SLC22A25: variants seen among roughly 807,000 people sequenced by gnomAD.
SLC22A25 encodes MGI:2442751, MGI:2385316, MGI:3042283, MGI:3645714, MGI:3605624, MGI:2442750.
Under a neutral mutation model 45.9 loss-of-function variants are expected in SLC22A25, and 44 were observed. The observed-to-expected ratio is 0.96, with a 90% CI of 0.75 to 1.23. The LOEUF is 1.23. Among genes scored for constraint, SLC22A25 ranks in the 50% most tolerant of loss-of-function variants. The pLI, the probability that SLC22A25 is intolerant of heterozygous loss-of-function variation, is 0.00. For synonymous variants in SLC22A25, 283 were observed against 238.6 expected (o/e 1.19, Z -1.72); for missense variants, 800 against 666.4 (o/e 1.20, Z -2.21).
chr11:63,203,821 C>T (rs1174673019), intron 7 of SLC22A25, among the ~76,000 whole-genome samples: 1 of 152,118 alleles, frequency 6.6e-6, no homozygotes, highest in African/African-American at 2.4e-5. Flanking sequence ...CACAAAGATA[C>T]TCCTCGAGAA....
chr11:63,229,590 C>A lies in SLC22A25; in HGVS notation c.63G>T (p.Met21Ile). The change falls in exon 4 of 12, where the codon ATG becomes ATT. Residue 21 changes from methionine (M) to isoleucine (I), a missense_variant. Transcript: ENST00000306494. ...GGLGRFQILQ[M>I]VFLIMFNVIV... Reference sequence around the variant, plus strand: ...TGACGTTGAACATTATAAGGAAAACCATCTGAAGGATCTGGAATCTCCCCA... The same window carrying A: ...TGACGTTGAACATTATAAGGAAAACAATCTGAAGGATCTGGAATCTCCCCA... The A allele has an allele frequency of 6.2e-7, 1 of 1,613,584 alleles. No individual in the cohort carries two copies. Among genetic ancestry groups the A allele is most frequent in the Non-Finnish European group, 8.5e-7 (1 of 1,179,594 alleles).
intron 7 of SLC22A25, among the ~76,000 whole-genome samples, chr11:63,193,780 C>T (rs752599871): frequency 1.3e-5 from 2 of 152,154 alleles, no homozygotes; most frequent in Non-Finnish European, 2.9e-5. Flanking sequence ...CAGCTCCCTG[C>T]CAGCAATGGA....
In SLC22A25 at chr11:63,161,682, C is replaced by T. The variant is rs1186697898; in HGVS notation, c.*2142G>A. On this transcript the variant is annotated 3_prime_UTR_variant, in exon 12 of 12. Transcript: ENST00000306494. ...CCTCCACCAGGATTGTGAGGCTTCA[C>T]CAGCTATGTGGAACTGTGAGTCCAT... Among the ~76,000 whole-genome samples the T allele has an allele frequency of 1.3e-5, 2 of 152,320 alleles. No individual in the cohort carries two copies. Among genetic ancestry groups the T allele is most frequent in the South Asian group, 2.1e-4 (1 of 4,816 alleles).
At chr11:63,236,893 C>T (rs2090174203) in intron 3 of SLC22A25, among the ~76,000 whole-genome samples, 1 of 152,184 alleles carries the variant, frequency 6.6e-6, no homozygotes. Flanking sequence ...ACCGGTTCCC[C>T]TGTCTGGGCT....
intron 8 of SLC22A25, among the ~76,000 whole-genome samples, chr11:63,182,791 C>A (rs1308141108): frequency 6.6e-6 from 1 of 152,062 alleles, no homozygotes; most frequent in Non-Finnish European, 1.5e-5. Context: ...ATGTCATTGA[C>A]CATGTCTTAA....
At chr11:63,208,247 G>T (rs1201647254) in intron 7 of SLC22A25, 1 of 152,376 alleles carries the variant, frequency 6.6e-6, no homozygotes, top group East Asian at 1.9e-4. Flanking sequence ...GGAGCCAGGG[G>T]TGGGGCTGCA....
At chr11:63,203,508 C>T (rs2089309556) in intron 7 of SLC22A25, among the ~76,000 whole-genome samples, 1 of 151,576 alleles carries the variant, frequency 6.6e-6, no homozygotes, top group Non-Finnish European at 1.5e-5. Flanking sequence ...CTTCATGAAG[C>T]ATACACAAGT....
At position 63,180,664 on chromosome 11, in the gene SLC22A25, C is replaced by G. The variant is rs773284948; in HGVS notation, c.1066G>C (p.Val356Leu). The change falls in exon 9 of 12, where the codon GTG becomes CTG. Residue 356 changes from valine (V) to leucine (L), a missense_variant. Transcript: ENST00000306494. ...CACACACTGCATGAAACTTACCTCACAAAGGACAGGAAACAGATTCTTTTA... is the reference window on the plus strand; with the variant it reads ...CACACACTGCATGAAACTTACCTCAGAAAGGACAGGAAACAGATTCTTTTA... ...ICKRICFLSF[V>L]RFASTIPFWG... The G allele has an allele frequency of 9.3e-6, 15 of 1,609,232 alleles. No individual in the cohort carries two copies. The South Asian group carries it at 1.6e-4, about 17-fold the overall frequency.
chr11:63,235,181 A>G (rs1392230530), intron 3 of SLC22A25, among the ~76,000 whole-genome samples: 3 of 152,120 alleles, frequency 2.0e-5, no homozygotes, highest in Admixed American at 6.5e-5. Context: ...CTGAGTTTGA[A>G]TGTTGGCCTG....
Position 63,242,225 on chromosome 11 carries a change from GA to G in SLC22A25, c.-996+1208del, listed in dbSNP as rs893217573. Among the ~76,000 whole-genome samples, 4 of 152,092 alleles carry G rather than the reference GA, an allele frequency of 2.6e-5. No homozygotes were observed. The East Asian group carries it at 7.7e-4, about 29-fold the overall frequency. Reference sequence around the variant, plus strand: ...GGATTCTACTTTCAGAGAGCAGGTGGAAAAAACCACACACCGAAAACCACAT... The same window carrying G: ...GGATTCTACTTTCAGAGAGCAGGTGGAAAAACCACACACCGAAAACCACAT... On this transcript the variant is annotated intron_variant, in intron 1 of 11. Coordinates refer to ENST00000306494, the MANE Select transcript of SLC22A25 (RefSeq NM_199352.6).
intron 3 of SLC22A25, among the ~76,000 whole-genome samples, chr11:63,233,331 C>G (rs527785735): frequency 7.2e-5 from 11 of 152,130 alleles, no homozygotes; most frequent in Non-Finnish European, 1.2e-4. Context: ...TCAGGCTATT[C>G]AGAGATTCAA....
At position 63,217,352 on chromosome 11, in the gene SLC22A25, C is replaced by T; in HGVS notation, c.792G>A (p.Val264=). The T allele has an allele frequency of 6.2e-7, 1 of 1,614,000 alleles. No homozygotes were observed. The highest frequency in any genetic ancestry group is 8.5e-7 in the Non-Finnish European group (1 of 1,179,998). The part of the protein sequence containing the change: ...VIRDQCILQL[V]MSAPCFVFFL... The stretch of plus-strand genomic sequence containing the variant: ...AGAAGACAAAGCATGGTGCAGACAT[C>T]ACCAACTGGAGGATGCACTGGTCTC... Residue 264 remains valine (V), a synonymous_variant, in exon 7 of 12, where the codon GTG becomes GTA. Transcript: ENST00000306494.
chr11:63,198,909 G>A (rs2089148025), intron 7 of SLC22A25, among the ~76,000 whole-genome samples: 1 of 152,076 alleles, frequency 6.6e-6, no homozygotes, highest in African/African-American at 2.4e-5. Context: ...CTAAGGCAGT[G>A]TTAAGGTGGA....
rs532084576 is a variant in SLC22A25, at chr11:63,159,639, G to C, written c.*4185C>G. ...GAGAAATGGACTAATATAGTAAATT[G>C]GTACTGATAGAGTGAAGTGCTTCTG... is the stretch of plus-strand genomic sequence containing the variant. On this transcript the variant is annotated 3_prime_UTR_variant, in exon 12 of 12. Coordinates refer to ENST00000306494, the MANE Select transcript of SLC22A25 (RefSeq NM_199352.6). Among the ~76,000 whole-genome samples the C allele has an allele frequency of 6.6e-6, 1 of 152,128 alleles. No individual in the cohort carries two copies. The highest frequency in any genetic ancestry group is 2.4e-5 in the African/African-American group (1 of 41,414).
intron 7 of SLC22A25, among the ~76,000 whole-genome samples, chr11:63,195,556 C>T (rs375127748): frequency 3.9e-5 from 6 of 152,144 alleles, no homozygotes; most frequent in South Asian, 4.2e-4. Context: ...TTGAAGCCAA[C>T]GAGAACAAAG....
chr11:63,236,431 A>G (rs555832972), intron 3 of SLC22A25, among the ~76,000 whole-genome samples: 21 of 152,188 alleles, frequency 1.4e-4, no homozygotes, highest in Non-Finnish European at 2.8e-4. Context: ...TGGGCATAGG[A>G]ACCTCCAAGC....
At position 63,160,297 on chromosome 11, in the gene SLC22A25, C is replaced by T. The variant is rs2087522694; in HGVS notation, c.*3527G>A. The stretch of plus-strand genomic sequence containing the variant: ...CCCCTGCTGTGTGCAGCCTTAGTGA[C>T]TTGGTGCCCTGTGTCTCAGCCACTC... On this transcript the variant is annotated 3_prime_UTR_variant, in exon 12 of 12. Coordinates refer to ENST00000306494, the MANE Select transcript of SLC22A25 (RefSeq NM_199352.6). Among the ~76,000 whole-genome samples the T allele has an allele frequency of 6.6e-6, 1 of 152,162 alleles. No homozygotes were observed. The highest frequency in any genetic ancestry group is 1.5e-5 in the Non-Finnish European group (1 of 68,018).
intron 3 of SLC22A25, among the ~76,000 whole-genome samples, chr11:63,231,023 G>A (rs577990809): frequency 6.6e-6 from 1 of 152,278 alleles, no homozygotes; most frequent in East Asian, 1.9e-4. Flanking sequence ...GTGTATATGT[G>A]GCACATTTTC....
chr11:63,177,126 T>C (rs2088117369), intron 9 of SLC22A25, among the ~76,000 whole-genome samples: 1 of 152,108 alleles, frequency 6.6e-6, no homozygotes, highest in Admixed American at 6.6e-5. Flanking sequence ...GGAGGTTCTC[T>C]TAGTACAAGA....
Sources: gnomAD v4.1 joint callset for allele counts (sites outside exome capture counted in the v4.1 genomes callset) on GRCh38, gnomAD v4.1.1 for gene constraint, MANE v1.5 for transcripts, NCBI Gene and HGNC (gene_info 2026-07-23, HGNC 2026-07-21) for gene names.